Variants in LPP observed in about 807,000 individuals in gnomAD.
LPP encodes lipoma-preferred partner.
In LPP, 38 loss-of-function variants were observed where a neutral mutation model predicts 60.4. The observed-to-expected ratio is 0.63, with a 90% CI of 0.49 to 0.83. The LOEUF is 0.83. LPP is among the 40% of genes least tolerant of loss of function. The probability of loss-of-function intolerance (pLI) is 0.00; values close to 1 mark genes in which losing one functional copy is unlikely to be tolerated. For missense variants in LPP, 902 were observed against 783.6 expected, an observed-to-expected ratio of 1.15 and a Z score of -1.80; for synonymous variants, 328 against 290.8, an observed-to-expected ratio of 1.13 and a Z score of -1.30.
intron 9 of LPP, among the ~76,000 whole-genome samples, chr3:188,783,219 T>G (rs746568858): frequency 1.3e-5 from 2 of 152,134 alleles, no homozygotes; most frequent in Non-Finnish European, 2.9e-5. Flanking sequence ...GCTTTATCCC[T>G]TCCTTCACAG....
intron 9 of LPP, among the ~76,000 whole-genome samples, chr3:188,843,064 TTTG>T (rs1760422872): frequency 6.6e-6 from 1 of 152,210 alleles, no homozygotes; most frequent in African/African-American, 2.4e-5. Flanking sequence ...TCTTCATCTT[TTTG>T]TTGTTTAGTA....
chr3:188,534,127 T>C (rs1261956398), intron 6 of LPP, among the ~76,000 whole-genome samples: 1 of 152,112 alleles, frequency 6.6e-6, no homozygotes. Flanking sequence ...TAGCTCCTAG[T>C]GGGGATAGGG....
intron 9 of LPP, among the ~76,000 whole-genome samples, chr3:188,838,476 C>T (rs1395395104): frequency 4.6e-5 from 7 of 152,148 alleles, no homozygotes; most frequent in African/African-American, 1.7e-4. Context: ...TCACTGTCTC[C>T]TCTATCTCAA....
intron 6 of LPP, among the ~76,000 whole-genome samples, chr3:188,575,122 C>T (rs1834332603): frequency 6.6e-6 from 1 of 152,100 alleles, no homozygotes; most frequent in East Asian, 1.9e-4. Context: ...TTGCCTCTGA[C>T]ATGGCAGCAT....
rs1345908686 is a variant in LPP at position 188,886,923 on chromosome 3, T to G, written c.*12444T>G. On this transcript the variant is annotated 3_prime_UTR_variant, in exon 12 of 12. Transcript: ENST00000617246. ...TAAATTTTGTGTGGATCCATTTATC[T>G]CTTAAAATATGCCAAAGCAATTTGA... The G allele has an allele frequency of 8.7e-6, 2 of 230,790 alleles. No individual in the cohort carries two copies. The highest frequency in any genetic ancestry group is 8.6e-6 in the Non-Finnish European group (1 of 116,678). 14.3% of individuals were successfully genotyped at this position (230,790 alleles called of 1,614,324 possible).
intron 5 of LPP, among the ~76,000 whole-genome samples, chr3:188,505,900 G>A (rs944765174): frequency 5.9e-5 from 9 of 152,084 alleles, no homozygotes; most frequent in African/African-American, 2.2e-4. Context: ...TCTCCTCTTG[G>A]TTTATTTTTC....
chr3:188,582,323 A>G (rs1382409589), intron 6 of LPP, among the ~76,000 whole-genome samples: 1 of 150,470 alleles, frequency 6.6e-6, no homozygotes, highest in Admixed American at 6.6e-5. Flanking sequence ...ATGCCTGGCT[A>G]ATTTTTTTTT....
intron 2 of LPP, among the ~76,000 whole-genome samples, chr3:188,255,974 G>T (rs970556649): frequency 6.6e-6 from 1 of 152,102 alleles, no homozygotes; most frequent in Non-Finnish European, 1.5e-5. Flanking sequence ...CAATGAATAC[G>T]TATATTTTTC....
At chr3:188,854,660 T>A (rs1036133190) in intron 9 of LPP, among the ~76,000 whole-genome samples, 2 of 152,246 alleles carry the variant, frequency 1.3e-5, no homozygotes, top group African/African-American at 4.8e-5. Context: ...TCCCAGGAGT[T>A]ATAGGCTTAA....
At chr3:188,460,525 C>T (rs966511730) in intron 4 of LPP, among the ~76,000 whole-genome samples, 1 of 152,102 alleles carries the variant, frequency 6.6e-6, no homozygotes. Flanking sequence ...TAATCTTTTG[C>T]GGCCATTATC....
At chr3:188,297,968 T>A (rs1390268933) in intron 2 of LPP, among the ~76,000 whole-genome samples, 1 of 152,240 alleles carries the variant, frequency 6.6e-6, no homozygotes, top group Admixed American at 6.5e-5. Flanking sequence ...ATGGGAAGTT[T>A]CTTCAGAGCC....
chr3:188,350,970 C>T (rs572699488), intron 3 of LPP, among the ~76,000 whole-genome samples: 27 of 152,292 alleles, frequency 1.8e-4, no homozygotes, highest in Middle Eastern at 3.4e-3. Flanking sequence ...CCTTCTCCCA[C>T]GAAAGTCATC....
intron 4 of LPP, among the ~76,000 whole-genome samples, chr3:188,477,488 G>A (rs11925704): frequency 0.034 from 5,114 of 152,236 alleles, 293 homozygotes; most frequent in African/African-American, 0.12. Context: ...GTTCCAACCA[G>A]TGCACTGTAA....
chr3:188,740,240 T>C (rs1040029), intron 8 of LPP, among the ~76,000 whole-genome samples: 66,201 of 151,800 alleles, frequency 0.44, 15,119 homozygotes, highest in East Asian at 0.83. Context: ...CCATGTTGCC[T>C]AATGGGCTGT....
At chr3:188,858,837 C>T (rs1764458947) in intron 9 of LPP, among the ~76,000 whole-genome samples, 1 of 152,018 alleles carries the variant, frequency 6.6e-6, no homozygotes, top group South Asian at 2.1e-4. Context: ...TGCTTGTAAT[C>T]CCAGCACTTT....
In LPP at chr3:188,250,720, T is replaced by TTCTC. The variant is rs1223629941; in HGVS notation, c.-67+25197_-67+25200dup. The stretch of plus-strand genomic sequence containing the variant: ...CTCTTTTCCTCTTTCTTTTCTTTCT[T>TTCTC]TCTCTCTTTCTTTCTTTCTTTCTTT... On this transcript the variant is annotated intron_variant, in intron 2 of 11. Transcript: ENST00000617246. 4.2e-4 allele frequency among the ~76,000 whole-genome samples: 60 copies of TTCTC among 142,352 alleles called. 1 individual carries two copies. Among genetic ancestry groups the TTCTC allele is most frequent in the South Asian group, 2.6e-3 (11 of 4,250 alleles). 93.4% of individuals were successfully genotyped at this position (142,352 alleles called of 152,430 possible).
intron 7 of LPP, among the ~76,000 whole-genome samples, chr3:188,703,317 G>T (rs1016585923): frequency 6.6e-6 from 1 of 152,212 alleles, no homozygotes; most frequent in Non-Finnish European, 1.5e-5. Flanking sequence ...GTTGGACACA[G>T]TTGTTCATTT....
chr3:188,528,415 T>A (rs1387577326), intron 6 of LPP, among the ~76,000 whole-genome samples: 1 of 151,868 alleles, frequency 6.6e-6, no homozygotes, highest in Admixed American at 6.6e-5. Flanking sequence ...TAATAGACAC[T>A]GAGGAGATCA....
At chr3:188,283,059 GGCTTTTATGAGCA>G (rs1165267164) in intron 2 of LPP, among the ~76,000 whole-genome samples, 1 of 152,150 alleles carries the variant, frequency 6.6e-6, no homozygotes, top group African/African-American at 2.4e-5. Context: ...TTTGGAGCAT[GGCTTTTATGAGCA>G]GCTATCAGCT....
Sources: allele counts gnomAD v4.1 joint callset (sites outside exome capture counted in the v4.1 genomes callset), GRCh38; gene constraint gnomAD v4.1.1; transcripts MANE v1.5; gene names NCBI Gene and HGNC (gene_info 2026-07-23, HGNC 2026-07-21).